Variants in ATG9B observed in about 807,000 individuals in gnomAD.
ATG9B encodes autophagy related 9B.
A neutral mutation model predicts 92.9 loss-of-function variants in ATG9B; 92 were observed. That is an observed-to-expected ratio of 0.99 (90% CI 0.84 to 1.18). ATG9B has a LOEUF of 1.18. Ranked by LOEUF, ATG9B falls within the 50% of genes most tolerant of loss-of-function variation. ATG9B has a pLI of 0.00. For synonymous variants in ATG9B, 599 were observed against 551.4 expected (o/e 1.09, Z -1.21); for missense variants, 1,344 against 1,235.0 (o/e 1.09, Z -1.32).
At chr7:151,020,556 G>T (rs1358562933) in intron 5 of ATG9B, among the ~76,000 whole-genome samples, 1 of 152,222 alleles carries the variant, frequency 6.6e-6, no homozygotes, top group African/African-American at 2.4e-5. Context: ...CCTCCCAGGG[G>T]AGCAAGGGAA....
In ATG9B at chr7:151,024,389, C is replaced by T. The variant is rs117623087; in HGVS notation, c.35G>A (p.Arg12Lys). ...VSRMGWGGRR[R>K]RLGRWGDLGP... ...CAGATCTCCCCACCGCCCCAGCCGCCTTCTTCTCCCCCCCCAGCCCATTCG... is the reference window on the plus strand; with the variant it reads ...CAGATCTCCCCACCGCCCCAGCCGCTTTCTTCTCCCCCCCCAGCCCATTCG... The change falls in exon 1 of 14, where the codon AGG becomes AAG. Residue 12 changes from arginine to lysine, a missense_variant. Physicochemically the swap from Arg to Lys is conservative, Grantham distance 26. Transcript: ENST00000639579. 3,004 of 1,378,388 alleles carry T rather than the reference C, an allele frequency of 2.2e-3. 90 individuals are homozygous for T. The East Asian group carries it at 0.071, about 33-fold the overall frequency. The allele number at this position is 1,378,388 out of a possible 1,614,324, so 85.4% of individuals were successfully genotyped here.
chr7:151,013,664 C>T (rs374925173), downstream of ATG9B: 379 of 1,421,910 alleles, frequency 2.7e-4, 3 homozygotes, highest in African/African-American at 4.9e-3. Flanking sequence ...GCCAGCAGCC[C>T]CGGGCTGCGC....
intron 10 of ATG9B, 31 bp from the exon 11 acceptor site, chr7:151,016,558 C>A: frequency 1.3e-6 from 2 of 1,545,194 alleles, no homozygotes; most frequent in South Asian, 1.2e-5. Context: ...GGTCAAAAGT[C>A]ATGCCCTCCT....
chr7:151,023,517 C>A lies in ATG9B; in HGVS notation c.595-8G>T. ...CTGGTGGTAGCTGTAGATGTGGCTGCGTGTCAAGGAACAAGCCTGAGGCAC... is the reference window on the plus strand; with the variant it reads ...CTGGTGGTAGCTGTAGATGTGGCTGAGTGTCAAGGAACAAGCCTGAGGCAC... On this transcript the variant is annotated splice_region_variant and splice_polypyrimidine_tract_variant and intron_variant, in intron 2 of 13. Transcript: ENST00000639579. 6.2e-7 allele frequency: 1 copy of A among 1,612,434 alleles called. No individual in the cohort carries two copies. Among genetic ancestry groups the A allele is most frequent in the Non-Finnish European group, 8.5e-7 (1 of 1,179,322 alleles).
chr7:151,021,781 C>T (rs945955378), intron 4 of ATG9B, among the ~76,000 whole-genome samples: 6 of 151,832 alleles, frequency 4.0e-5, no homozygotes, highest in African/African-American at 1.5e-4. Flanking sequence ...TCCAGGGTAG[C>T]TGGGACTACA....
rs1261332263 is a variant in ATG9B at position 151,017,963 on chromosome 7, C to G, written c.1960G>C (p.Asp654His). The G allele has an allele frequency of 6.2e-7, 1 of 1,607,870 alleles. No homozygotes were observed. The highest frequency in any genetic ancestry group is 8.5e-7 in the Non-Finnish European group (1 of 1,176,924). Residue 654 changes from aspartate to histidine, a missense_variant, in exon 8 of 14, where the codon GAC becomes CAC. By Grantham distance (81) the Asp-to-His change is moderately conservative (BLOSUM62 -1). Coordinates refer to ENST00000639579, the MANE Select transcript of ATG9B (RefSeq NM_001317056.2). ...TCCACAGTGAAGTGATGAAAAAAGT[C>G]GATAATCTCCAGGGCACGAGGGCGG... ...WFRPRALEII[D>H]FFHHFTVDVA...
rs374152766 is a variant in ATG9B, at chr7:151,018,303, C to T, written c.1863G>A (p.Gln621=). The change falls in exon 7 of 14, where the codon CAG becomes CAA. Residue 621 remains glutamine, a synonymous_variant. Transcript: ENST00000639579. This position sits in a 1 kb window ranked among gnomAD's most constrained non-coding sequence, Gnocchi z 4.7. ...TCGCGCCCACCCTCACCGCTCGGTA[C>T]TGCAGCAGCTGCGCCATCTGCCGGT... The part of the protein sequence containing the change: ...RAYRQMAQLL[Q]YRAVSLLEEL... The T allele has an allele frequency of 8.3e-5, 131 of 1,569,888 alleles. No individual in the cohort carries two copies. The African/African-American group carries it at 1.5e-3, about 19-fold the overall frequency.
chr7:151,018,870 G>C lies in ATG9B; in HGVS notation c.1468C>G (p.Arg490Gly). 1 of 1,364,670 alleles carries C rather than the reference G, an allele frequency of 7.3e-7. No individual in the cohort carries two copies. Among genetic ancestry groups the C allele is most frequent in the Admixed American group, 4.0e-5 (1 of 25,120 alleles). 84.5% of individuals were successfully genotyped at this position (1,364,670 alleles called of 1,614,324 possible). Reference sequence around the variant, plus strand: ...TCGTGCGGCAGCTCGTTGAAGTGGCGCAGCTGCAAGCGCGCCAGGCGGGAC... The same window carrying C: ...TCGTGCGGCAGCTCGTTGAAGTGGCCCAGCTGCAAGCGCGCCAGGCGGGAC... ...GWSRLARLQL[R>G]HFNELPHELR... is the part of the protein sequence containing the mutation. Residue 490 changes from arginine to glycine, a missense_variant, in exon 6 of 14, where the codon CGC becomes GGC. Transcript: ENST00000639579. The surrounding 1 kb of genome is among the most constrained non-coding windows in gnomAD (Gnocchi z 4.7).
In ATG9B at chr7:151,017,045, G is replaced by T. The variant is rs1398012112; in HGVS notation, c.2280C>A (p.Thr760=). The change falls in exon 9 of 14, where the codon ACC becomes ACA. Residue 760 remains threonine, a synonymous_variant. Coordinates refer to ENST00000639579, the MANE Select transcript of ATG9B (RefSeq NM_001317056.2). ...PSTPGVLSNC[T]SPLPEAFLAN... ...CAGGCTTGGGACTCACCAGGGGCGA[G>T]GTGCAGTTGCTGAGCACCCCCGGGG... 3 of 1,591,504 alleles carry T rather than the reference G, an allele frequency of 1.9e-6. No homozygotes were observed. The highest frequency in any genetic ancestry group is 2.6e-6 in the Non-Finnish European group (3 of 1,169,560).
chr7:151,023,877 G>C lies in ATG9B; in HGVS notation c.547C>G (p.Arg183Gly). 1 of 1,610,668 alleles carries C rather than the reference G, an allele frequency of 6.2e-7. No homozygotes were observed. The change falls in exon 1 of 14, where the codon CGA becomes GGA. Residue 183 changes from arginine to glycine, a missense_variant. Physicochemically the swap from Arg to Gly is moderately radical, Grantham distance 125. Coordinates refer to ENST00000639579, the MANE Select transcript of ATG9B (RefSeq NM_001317056.2). ...CCACCCACACCCACACACATACCTC[G>C]GAGCCCTTCAGGGACATGAAGCAGG... ...QPLLHVPEGL[R>G]GSWHHIQNLD...
At position 151,018,391 on chromosome 7, in the gene ATG9B, G is replaced by A. The variant is rs557643470; in HGVS notation, c.1775C>T (p.Thr592Ile). 9.1e-5 allele frequency: 144 copies of A among 1,576,028 alleles called. No homozygotes were observed. In the East Asian group the frequency reaches 2.9e-3, roughly 32 times the overall value. Reference sequence around the variant, plus strand: ...GAGGTAGTGCATGTGGGCCAGGGCTGTCTGCAGCAGGAGCTGCGGCGCACG... The same window carrying A: ...GAGGTAGTGCATGTGGGCCAGGGCTATCTGCAGCAGGAGCTGCGGCGCACG... ...QGRAPQLLLQ[T>I]ALAHMHYLPE... Residue 592 changes from threonine (T) to isoleucine (I), a missense_variant, in exon 7 of 14, where the codon ACA becomes ATA. Thr to Ile is a moderately conservative substitution (Grantham distance 89). Transcript: ENST00000639579. The surrounding 1 kb of genome is among the most constrained non-coding windows in gnomAD (Gnocchi z 4.7).
chr7:151,018,122 C>T lies in ATG9B; in HGVS notation c.1873-72G>A. ...CGCGCGTTATCAGGACCAAGCAGTCCCCAGCGACCCTCGCCAGGGCAAGAA... is the reference window on the plus strand; with the variant it reads ...CGCGCGTTATCAGGACCAAGCAGTCTCCAGCGACCCTCGCCAGGGCAAGAA... On this transcript the variant is annotated intron_variant, in intron 7 of 13. Transcript: ENST00000639579. The surrounding 1 kb of genome is among the most constrained non-coding windows in gnomAD (Gnocchi z 4.7). 2 of 1,487,614 alleles carry T rather than the reference C, an allele frequency of 1.3e-6. No homozygotes were observed. The highest frequency in any genetic ancestry group is 2.7e-5 in the South Asian group (2 of 73,950). The allele number at this position is 1,487,614 out of a possible 1,614,324, so 92.2% of individuals were successfully genotyped here.
rs767234380 is a variant in ATG9B, at chr7:151,023,134, G to A, written c.732C>T (p.Asn244=). The A allele has an allele frequency of 6.2e-6, 10 of 1,614,056 alleles. No individual in the cohort carries two copies. In the Admixed American group the frequency reaches 1.0e-4, roughly 16 times the overall value. The change falls in exon 4 of 14, where the codon AAC becomes AAT. Residue 244 remains asparagine (N), a synonymous_variant. Transcript: ENST00000639579. ...RCVDYNVLFA[N]QPSNHTRPGP... Reference sequence around the variant, plus strand: ...CAGGTCTGGTATGGTTACTTGGTTGGTTGGCAAAGAGAACATTGTAATCCA... The same window carrying A: ...CAGGTCTGGTATGGTTACTTGGTTGATTGGCAAAGAGAACATTGTAATCCA...
At chr7:151,013,181 T>G (rs1264111716), downstream of ATG9B, 1 of 1,580,404 alleles carries the variant, frequency 6.3e-7, no homozygotes, top group Non-Finnish European at 8.6e-7. Flanking sequence ...GAGGCCCCAC[T>G]AGCACTGTGC....
Position 151,018,878 on chromosome 7 carries a change from A to C in ATG9B, c.1460T>G (p.Leu487Trp), listed in dbSNP as rs1795632452. The C allele has an allele frequency of 7.2e-7, 1 of 1,381,150 alleles. No individual in the cohort carries two copies. Among genetic ancestry groups the C allele is most frequent in the South Asian group, 1.6e-5 (1 of 60,998 alleles). 85.6% of individuals were successfully genotyped at this position (1,381,150 alleles called of 1,614,324 possible). ...GARGWSRLAR[L>W]QLRHFNELPH... ...CAGCTCGTTGAAGTGGCGCAGCTGC[A>C]AGCGCGCCAGGCGGGACCAGCCGCG... Residue 487 changes from leucine (L) to tryptophan (W), a missense_variant, in exon 6 of 14, where the codon TTG (leucine) becomes TGG (tryptophan). Leu to Trp is a moderately conservative substitution (Grantham distance 61). Transcript: ENST00000639579. The surrounding 1 kb of genome is among the most constrained non-coding windows in gnomAD (Gnocchi z 4.7).
rs780987789 is a variant in ATG9B, at chr7:151,017,041, G to A, written c.2284C>T (p.Pro762Ser). 3.2e-6 allele frequency: 5 copies of A among 1,587,298 alleles called. No homozygotes were observed. The highest frequency in any genetic ancestry group is 1.1e-5 in the South Asian group (1 of 87,896). The change falls in exon 9 of 14, where the codon CCC becomes TCC. Residue 762 changes from proline (P) to serine (S), a missense_variant. Coordinates refer to ENST00000639579, the MANE Select transcript of ATG9B (RefSeq NM_001317056.2). The stretch of plus-strand genomic sequence containing the variant: ...AGGCCAGGCTTGGGACTCACCAGGG[G>A]CGAGGTGCAGTTGCTGAGCACCCCC... ...TPGVLSNCTS[P>S]LPEAFLANLF...
At chr7:151,012,212 T>TGTTTTGG, downstream of ATG9B, 1 of 683,926 alleles carries the variant, frequency 1.5e-6, no homozygotes, top group East Asian at 2.8e-5. Context: ...AGTAGAGTTG[T>TGTTTTGG]TTTTTGTTTT....
chr7:151,015,977 C>T lies in ATG9B; in HGVS notation c.2694G>A (p.Lys898=). ...ACCCTCCGGGGAACAGATTCCGGGC[C>T]TTCTGGGTTCCCCACTGTTGTCTGG... ...SSPRQQWGTQ[K]ARNLFPGGFQ... Residue 898 remains lysine, a synonymous_variant, in exon 13 of 14, where the codon AAG becomes AAA. Coordinates refer to ENST00000639579, the MANE Select transcript of ATG9B (RefSeq NM_001317056.2). 6.4e-7 allele frequency: 1 copy of T among 1,551,686 alleles called. No homozygotes were observed. Among genetic ancestry groups the T allele is most frequent in the Non-Finnish European group, 8.7e-7 (1 of 1,146,988 alleles).
At chr7:151,012,630 G>A (rs556596231), downstream of ATG9B, 3 of 831,508 alleles carry the variant, frequency 3.6e-6, no homozygotes, top group African/African-American at 3.4e-5. Context: ...AGGTACCAAA[G>A]GCAAGGGCTG....
Sources: allele counts gnomAD v4.1 joint callset (sites outside exome capture counted in the v4.1 genomes callset), GRCh38; gene constraint gnomAD v4.1.1; non-coding constraint Gnocchi (gnomAD v3.1); transcripts MANE v1.5; gene names NCBI Gene and HGNC (gene_info 2026-07-23, HGNC 2026-07-21).